The following ACOX1 variants were observed in gnomAD, a reference collection of about 807,000 sequenced individuals.
ACOX1 encodes the protein peroxisomal acyl-coenzyme A oxidase 1.
A neutral mutation model predicts 75.5 loss-of-function variants in ACOX1; 41 were observed. That is an observed-to-expected ratio of 0.54 (90% CI 0.42 to 0.70). The LOEUF is 0.70. Ranked by LOEUF, ACOX1 falls within the 30% of genes least tolerant of loss-of-function variation. ACOX1 has a pLI of 0.00. For synonymous variants in ACOX1, 303 were observed against 298.8 expected (o/e 1.01, Z -0.15); for missense variants, 630 against 837.5 (o/e 0.75, Z 3.06).
At chr17:75,958,617 G>GT (rs1300744760) in intron 3 of ACOX1, among the ~76,000 whole-genome samples, 1 of 151,814 alleles carries the variant, frequency 6.6e-6, no homozygotes, top group African/African-American at 2.4e-5. Flanking sequence ...GACCATCCTG[G>GT]TTAACACGGC....
Position 75,949,253 on chromosome 17 carries a change from C to T in ACOX1, c.1692G>A (p.Leu564=), listed in dbSNP as rs1168824645. Residue 564 remains leucine, a synonymous_variant, in exon 12 of 14, where the codon CTG becomes CTA. Coordinates refer to ENST00000293217, the MANE Select transcript of ACOX1 (RefSeq NM_004035.7). ...VLRSLCLLYS[L]YGISQNAGDF... is the part of the protein sequence containing the mutation. ...CCCCCGCGTTCTGACTGATTCCATA[C>T]AGAGAATACAGCAGACATAAACTCC... The T allele has an allele frequency of 1.2e-6, 2 of 1,614,102 alleles. No individual in the cohort carries two copies. Among genetic ancestry groups the T allele is most frequent in the Non-Finnish European group, 1.7e-6 (2 of 1,180,048 alleles).
chr17:75,964,435 G>C (rs1395447487), intron 2 of ACOX1, among the ~76,000 whole-genome samples: 1 of 152,108 alleles, frequency 6.6e-6, no homozygotes, highest in Non-Finnish European at 1.5e-5. Flanking sequence ...CCTGGTGAAG[G>C]AAAGGCCACT....
rs373999344 is a variant in ACOX1, at chr17:75,967,389, G to A, written c.270-7014C>T. 4.7e-5 allele frequency among the ~76,000 whole-genome samples: 7 copies of A among 150,220 alleles called. No homozygotes were observed. The East Asian group carries it at 1.0e-3, about 22-fold the overall frequency. Reference sequence around the variant, plus strand: ...GAGGCTGAGCCAGGAGAATGGCTTTGAACCCAGGAGGCAGAGGTTACAGTG... The same window carrying A: ...GAGGCTGAGCCAGGAGAATGGCTTTAAACCCAGGAGGCAGAGGTTACAGTG... On this transcript the variant is annotated intron_variant, in intron 2 of 13. Coordinates refer to ENST00000293217, the MANE Select transcript of ACOX1 (RefSeq NM_004035.7).
chr17:75,976,941 C>G (rs1303135577), intron 2 of ACOX1, among the ~76,000 whole-genome samples: 4 of 148,212 alleles, frequency 2.7e-5, no homozygotes, highest in African/African-American at 1.0e-4. Context: ...CCAAAATAAT[C>G]TTGTACTAGG....
intron 2 of ACOX1, among the ~76,000 whole-genome samples, chr17:75,962,491 T>C (rs2144278018): frequency 6.6e-6 from 1 of 152,306 alleles, no homozygotes; most frequent in Non-Finnish European, 1.5e-5. Flanking sequence ...ATTGCTCTTA[T>C]CATTCTATGT....
At chr17:75,974,909 G>C (rs548584128) in intron 2 of ACOX1, among the ~76,000 whole-genome samples, 1 of 151,512 alleles carries the variant, frequency 6.6e-6, no homozygotes, top group African/African-American at 2.4e-5. Flanking sequence ...AATTAGCCGG[G>C]TGTGGTGGTG....
intron 2 of ACOX1, among the ~76,000 whole-genome samples, chr17:75,972,752 A>C (rs1162549408): frequency 6.6e-6 from 1 of 152,160 alleles, no homozygotes; most frequent in Non-Finnish European, 1.5e-5. Flanking sequence ...AGTGTTTAGT[A>C]AAGTGTCTGG....
chr17:75,967,668 A>ACG (rs1368441741), intron 2 of ACOX1, among the ~76,000 whole-genome samples: 4 of 94,902 alleles, frequency 4.2e-5, no homozygotes, highest in African/African-American at 2.8e-4. Context: ...ATACATATAT[A>ACG]TACATATATA....
At chr17:75,956,685 C>T (rs2144257760) in intron 4 of ACOX1, among the ~76,000 whole-genome samples, 1 of 137,454 alleles carries the variant, frequency 7.3e-6, no homozygotes, top group African/African-American at 2.9e-5. Flanking sequence ...GAGACTCCAT[C>T]TCAAAAAAAA....
At chr17:75,975,682 G>A (rs981111136) in intron 2 of ACOX1, among the ~76,000 whole-genome samples, 3 of 152,184 alleles carry the variant, frequency 2.0e-5, no homozygotes, top group African/African-American at 7.2e-5. Context: ...AGTGGCTTAT[G>A]CCTGTAATCC....
intron 2 of ACOX1, among the ~76,000 whole-genome samples, chr17:75,969,154 CTTAT>C (rs543142027): frequency 5.4e-4 from 82 of 152,054 alleles, no homozygotes; most frequent in Non-Finnish European, 6.5e-4. Flanking sequence ...AATACAGCGT[CTTAT>C]TTATTTATTT....
At position 75,944,738 on chromosome 17, in the gene ACOX1, CAG is replaced by C. The variant is rs1201115459; in HGVS notation, c.*2008_*2009del. ...TATTAATAAAAATAGCATCAAATGT[CAG>C]ATTTAGATTTTTTTTTTGAGACGGA... On this transcript the variant is annotated 3_prime_UTR_variant, in exon 14 of 14. Coordinates refer to ENST00000293217, the MANE Select transcript of ACOX1 (RefSeq NM_004035.7). The C allele has an allele frequency of 6.6e-6, 1 of 151,918 alleles. No individual in the cohort carries two copies. Among genetic ancestry groups the C allele is most frequent in the Non-Finnish European group, 1.5e-5 (1 of 67,978 alleles). 9.4% of individuals were successfully genotyped at this position (151,918 alleles called of 1,614,324 possible).
rs1225768330 is a variant in ACOX1 at position 75,960,666 on chromosome 17, T to C, written c.270-291A>G. ...AAGGCAGAGGATCCTCGCCCAGGAA[T>C]TAAATCAAAGGAAATAAAGAAAATT... On this transcript the variant is annotated intron_variant, in intron 2 of 13. Coordinates refer to ENST00000293217, the MANE Select transcript of ACOX1 (RefSeq NM_004035.7). The surrounding 1 kb of genome is among the most constrained non-coding windows in gnomAD (Gnocchi z 4.4). Among the ~76,000 whole-genome samples, 1 of 152,134 alleles carries C rather than the reference T, an allele frequency of 6.6e-6. No homozygotes were observed. Among genetic ancestry groups the C allele is most frequent in the East Asian group, 1.9e-4 (1 of 5,198 alleles).
At chr17:75,975,261 T>C (rs34855275) in intron 2 of ACOX1, among the ~76,000 whole-genome samples, 1 of 151,912 alleles carries the variant, frequency 6.6e-6, no homozygotes, top group South Asian at 2.1e-4. Flanking sequence ...TAGGTTCAAG[T>C]GATTCTCATG....
chr17:75,954,785 T>C (rs2065808909), intron 6 of ACOX1, among the ~76,000 whole-genome samples: 2 of 151,928 alleles, frequency 1.3e-5, no homozygotes, highest in African/African-American at 2.4e-5. Context: ...TTGGTCAGGC[T>C]GGTCTTGAAT....
intron 3 of ACOX1, among the ~76,000 whole-genome samples, chr17:75,959,722 T>C (rs80146157): frequency 0.024 from 3,638 of 152,302 alleles, 58 homozygotes; most frequent in Non-Finnish European, 0.037. Flanking sequence ...AACTACTGAT[T>C]GACTCAAAGT....
rs368487704 is a variant in ACOX1 at position 75,951,390 on chromosome 17, T to G, written c.1107+25A>C. 2.7e-5 allele frequency: 43 copies of G among 1,613,686 alleles called. 1 individual carries two copies. The East Asian group carries it at 8.7e-4, about 33-fold the overall frequency. On this transcript the variant is annotated intron_variant, in intron 8 of 13. Transcript: ENST00000293217. ...CAACCACGAAACAGAAGGGTGCCCA[T>G]GAGTGAATGAGACCAAACTCATACC...
chr17:75,960,191 G>T lies in ACOX1; in HGVS notation c.430+24C>A. ...AGCTCACAGGGGCCCGCCCAACCCA[G>T]AAGGTAGACTGAATACTCCATACCA... On this transcript the variant is annotated intron_variant, in intron 3 of 13. Transcript: ENST00000293217. The surrounding 1 kb of genome is among the most constrained non-coding windows in gnomAD (Gnocchi z 4.4). The T allele has an allele frequency of 6.2e-7, 1 of 1,613,854 alleles. No individual in the cohort carries two copies. Among genetic ancestry groups the T allele is most frequent in the South Asian group, 1.1e-5 (1 of 91,054 alleles).
In ACOX1 at chr17:75,949,733, T is replaced by C. The variant is rs1339156290; in HGVS notation, c.1463A>G (p.Lys488Arg). Residue 488 changes from lysine (K) to arginine (R), a missense_variant, in exon 10 of 14, where the codon AAA (lysine) becomes AGA (arginine). By Grantham distance (26) the Lys-to-Arg change is conservative. This residue lies in a region of ACOX1 where 240 missense variants were observed against 262.7 expected (regional missense o/e 0.91). Coordinates refer to ENST00000293217, the MANE Select transcript of ACOX1 (RefSeq NM_004035.7). ...GAGAGCTCACCTGGCTGCACGGAGT[T>C]TATATGCTTCGGTTAGGCTTTCGGG... ...NSPESLTEAY[K>R]LRAARLVEIA... 1 of 1,614,024 alleles carries C rather than the reference T, an allele frequency of 6.2e-7. No individual in the cohort carries two copies. Among genetic ancestry groups the C allele is most frequent in the African/African-American group, 1.3e-5 (1 of 74,900 alleles).
Sources: gnomAD v4.1 joint callset for allele counts (sites outside exome capture counted in the v4.1 genomes callset) on GRCh38, gnomAD v4.1.1 for gene constraint, gnomAD v4.1.1 regional missense constraint, Gnocchi (gnomAD v3.1) non-coding constraint, MANE v1.5 for transcripts, NCBI Gene and HGNC (gene_info 2026-07-23, HGNC 2026-07-21) for gene names.